Variants in CAB39 observed in about 807,000 individuals in gnomAD.
CAB39 encodes the protein calcium binding protein 39.
A neutral mutation model predicts 40.0 loss-of-function variants in CAB39; 8 were observed. The ratio of observed to expected loss-of-function variants is 0.20; its 90% confidence interval spans 0.12 to 0.36. The LOEUF is 0.36. Among genes scored for constraint, CAB39 ranks in the 10% least tolerant of loss-of-function variants. The pLI is 1.00. For missense variants in CAB39, 270 were observed against 401.1 expected, an observed-to-expected ratio of 0.67 and a Z score of 2.79; for synonymous variants, 156 against 141.6, an observed-to-expected ratio of 1.10 and a Z score of -0.72.
At chr2:230,759,538 C>T (rs761137532) in intron 1 of CAB39, among the ~76,000 whole-genome samples, 5 of 152,200 alleles carry the variant, frequency 3.3e-5, no homozygotes, top group Non-Finnish European at 7.3e-5. Context: ...CACGCTCAAC[C>T]TTGCTAAACT....
chr2:230,798,031 C>T (rs1244570098), intron 4 of CAB39, among the ~76,000 whole-genome samples: 1 of 152,112 alleles, frequency 6.6e-6, no homozygotes, highest in Non-Finnish European at 1.5e-5. Context: ...GGGGAAATGC[C>T]TCTTGCTTGG....
chr2:230,806,333 A>G (rs1696193095), intron 5 of CAB39, among the ~76,000 whole-genome samples: 1 of 152,128 alleles, frequency 6.6e-6, no homozygotes, highest in Non-Finnish European at 1.5e-5. Context: ...GAATACCCCC[A>G]ATACAATTAA....
chr2:230,741,529 G>A (rs1349702142), intron 1 of CAB39, among the ~76,000 whole-genome samples: 1 of 152,090 alleles, frequency 6.6e-6, no homozygotes, highest in African/African-American at 2.4e-5. Context: ...CTTGAAAGAT[G>A]GAGTCTCACT....
At chr2:230,724,548 G>T (rs1694520872) in intron 1 of CAB39, among the ~76,000 whole-genome samples, 1 of 151,142 alleles carries the variant, frequency 6.6e-6, no homozygotes, top group South Asian at 2.1e-4. Context: ...GGGCATGGTG[G>T]CACATGCCTA....
intron 2 of CAB39, among the ~76,000 whole-genome samples, chr2:230,787,615 A>G (rs1695815832): frequency 6.6e-6 from 1 of 152,234 alleles, no homozygotes; most frequent in African/African-American, 2.4e-5. Flanking sequence ...TCTCTGACTC[A>G]ATTATACAAT....
intron 1 of CAB39, among the ~76,000 whole-genome samples, chr2:230,730,607 C>T (rs544364641): frequency 2.0e-5 from 3 of 152,126 alleles, no homozygotes; most frequent in Non-Finnish European, 4.4e-5. Context: ...CCACACCCGG[C>T]TAATTTTTGT....
chr2:230,756,685 A>G (rs908761629), intron 1 of CAB39, among the ~76,000 whole-genome samples: 15 of 151,300 alleles, frequency 9.9e-5, no homozygotes, highest in East Asian at 5.8e-4. Context: ...TTATTTATTT[A>G]TTTATTTATT....
Position 230,748,847 on chromosome 2 carries a change from T to TATATATAG in CAB39, c.-43-11105_-43-11104insGATATATA, listed in dbSNP as rs1695034055. On this transcript the variant is annotated intron_variant, in intron 1 of 8. Coordinates refer to ENST00000258418, the MANE Select transcript of CAB39 (RefSeq NM_016289.4). ...AAAAAAAAAAATATATATATATATA[T>TATATATAG]ATATATATATATATATATATAACAA... is the stretch of plus-strand genomic sequence containing the variant. Among the ~76,000 whole-genome samples, 2 of 114,560 alleles carry TATATATAG rather than the reference T, an allele frequency of 1.7e-5. 1 individual carries two copies. The highest frequency in any genetic ancestry group is 6.2e-5 in the African/African-American group (2 of 32,208). 75.2% of individuals were successfully genotyped at this position (114,560 alleles called of 152,430 possible).
chr2:230,731,361 C>T (rs1316085373), intron 1 of CAB39, among the ~76,000 whole-genome samples: 1 of 152,088 alleles, frequency 6.6e-6, no homozygotes, highest in African/African-American at 2.4e-5. Flanking sequence ...TGTTAATATA[C>T]TCATGTAAAC....
chr2:230,788,069 G>A (rs1395317379), intron 2 of CAB39, among the ~76,000 whole-genome samples: 1 of 152,190 alleles, frequency 6.6e-6, no homozygotes. Flanking sequence ...GATCCTCTAA[G>A]TACTGCTTAA....
chr2:230,716,086 T>G lies in CAB39; in HGVS notation c.-44+2856T>G, dbSNP rs373066410. Among the ~76,000 whole-genome samples, 138 of 152,346 alleles carry G rather than the reference T, an allele frequency of 9.1e-4. 1 individual carries two copies. In the South Asian group the frequency reaches 0.028, roughly 31 times the overall value. On this transcript the variant is annotated intron_variant, in intron 1 of 8. Coordinates refer to ENST00000258418, the MANE Select transcript of CAB39 (RefSeq NM_016289.4). ...CTTGTACTAAGTCAGTTTTTTCCCA[T>G]GTATTTTACATTCTAAGGTGTATTA... is the stretch of plus-strand genomic sequence containing the variant.
At chr2:230,817,929 C>T in intron 8 of CAB39, 32 bp downstream of exon 8, 1 of 1,573,366 alleles carries the variant, frequency 6.4e-7, no homozygotes, top group Non-Finnish European at 8.6e-7. Flanking sequence ...TGATACTGTC[C>T]ACTGGAATTG....
At chr2:230,759,743 CAA>C (rs1472299014) in intron 1 of CAB39, among the ~76,000 whole-genome samples, 1 of 152,016 alleles carries the variant, frequency 6.6e-6, no homozygotes, top group Non-Finnish European at 1.5e-5. Context: ...GAAAGAAAAA[CAA>C]AGTGTTTTGA....
At chr2:230,752,316 C>T (rs1197531829) in intron 1 of CAB39, 10 of 152,036 alleles carry the variant, frequency 6.6e-5, no homozygotes, top group African/African-American at 2.4e-4. Flanking sequence ...CACACAACAT[C>T]TCTGTCGTAG....
At chr2:230,809,850 T>C (rs1288521372) in intron 5 of CAB39, among the ~76,000 whole-genome samples, 2 of 152,220 alleles carry the variant, frequency 1.3e-5, no homozygotes, top group Admixed American at 6.5e-5. Context: ...AAATTTCCTC[T>C]TTCTCCACCG....
At chr2:230,780,281 C>G (rs1193280889) in intron 2 of CAB39, among the ~76,000 whole-genome samples, 3 of 152,170 alleles carry the variant, frequency 2.0e-5, no homozygotes, top group Non-Finnish European at 4.4e-5. Flanking sequence ...AGAAGAGTGC[C>G]TTTCACCCAG....
At chr2:230,776,994 C>T (rs1445288856) in intron 2 of CAB39, among the ~76,000 whole-genome samples, 2 of 152,082 alleles carry the variant, frequency 1.3e-5, no homozygotes, top group Non-Finnish European at 2.9e-5. Flanking sequence ...GCCTTTCATC[C>T]ACTTTTTTAG....
At chr2:230,796,314 C>G (rs1314043597) in intron 4 of CAB39, among the ~76,000 whole-genome samples, 1 of 151,942 alleles carries the variant, frequency 6.6e-6, no homozygotes, top group Non-Finnish European at 1.5e-5. Flanking sequence ...CATTTGAAGT[C>G]GTATTGCTAG....
In CAB39 at chr2:230,818,512, G is replaced by A. The variant is rs369908170; in HGVS notation, c.838-4G>A. 33 of 1,612,656 alleles carry A rather than the reference G, an allele frequency of 2.0e-5. No homozygotes were observed. The highest frequency in any genetic ancestry group is 1.1e-4 in the African/African-American group (8 of 74,816). ...GTGCCTCATGTGCGTTTCTCTCCAC[G>A]CAGGTGTTTGTAGCCAATCCTAACA... On this transcript the variant is annotated splice_polypyrimidine_tract_variant and splice_region_variant and intron_variant, in intron 8 of 8. Transcript: ENST00000258418.
Sources: gnomAD v4.1 joint callset for allele counts (sites outside exome capture counted in the v4.1 genomes callset) on GRCh38, gnomAD v4.1.1 for gene constraint, MANE v1.5 for transcripts, NCBI Gene and HGNC (gene_info 2026-07-23, HGNC 2026-07-21) for gene names.